Variants in FKBP1B observed in about 807,000 individuals in gnomAD.
FKBP1B encodes the protein FKBP prolyl isomerase 1B.
Under a neutral mutation model 13.5 loss-of-function variants are expected in FKBP1B, and 4 were observed. The observed-to-expected ratio is 0.30, with a 90% CI of 0.15 to 0.68. FKBP1B has a LOEUF of 0.68. Among genes scored for constraint, FKBP1B ranks in the 30% least tolerant of loss-of-function variants. The pLI is 0.76. For synonymous variants in FKBP1B, 54 were observed against 53.6 expected, an observed-to-expected ratio of 1.01 and a Z score of -0.03; for missense variants, 93 against 136.2, an observed-to-expected ratio of 0.68 and a Z score of 1.58.
intron 2 of FKBP1B, among the ~76,000 whole-genome samples, chr2:24,057,391 G>C (rs1213905140): frequency 6.6e-6 from 1 of 151,248 alleles, no homozygotes; most frequent in Non-Finnish European, 1.5e-5. Context: ...TTGTGTGTGT[G>C]TGATGGAGTT....
At chr2:24,036,383 T>C in the FKBP1B span, among the ~76,000 whole-genome samples, 1 of 151,318 alleles carries the variant, frequency 6.6e-6, no homozygotes, top group Non-Finnish European at 1.5e-5. Context: ...GGCATGTGCT[T>C]GTAGTCTCAG....
rs1664012263 is a variant in FKBP1B, at chr2:24,054,149, T to C, written c.85+200T>C. 3.1e-5 allele frequency: 22 copies of C among 713,952 alleles called. No individual in the cohort carries two copies. In the East Asian group the frequency reaches 5.9e-4, roughly 19 times the overall value. 44.2% of individuals were successfully genotyped at this position (713,952 alleles called of 1,614,324 possible). ...AAGGAGGCTTGGAAGGCCAACTCTT[T>C]CCCTCTTCTACCAGCAAGGGCCATC... is the stretch of plus-strand genomic sequence containing the variant. On this transcript the variant is annotated intron_variant, in intron 2 of 3. Transcript: ENST00000380986.
At chr2:24,037,674 T>C in the FKBP1B span, 1 of 1,602,958 alleles carries the variant, frequency 6.2e-7, no homozygotes, top group Non-Finnish European at 8.5e-7. Context: ...AAGGAGAATT[T>C]ACCTGGTAAA....
At chr2:24,034,657 T>C in the FKBP1B span, among the ~76,000 whole-genome samples, 1 of 148,730 alleles carries the variant, frequency 6.7e-6, no homozygotes, top group East Asian at 2.1e-4. Context: ...CACTGCAGCC[T>C]CAACCTCCTC....
At chr2:24,055,927 T>C (rs1030201791) in intron 2 of FKBP1B, among the ~76,000 whole-genome samples, 1 of 152,226 alleles carries the variant, frequency 6.6e-6, no homozygotes, top group African/African-American at 2.4e-5. Flanking sequence ...TCTAGGCAGC[T>C]GTGTAGGAGA....
At chr2:24,053,287 ATTTTT>A (rs34185660) in intron 1 of FKBP1B, among the ~76,000 whole-genome samples, 7 of 110,102 alleles carry the variant, frequency 6.4e-5, no homozygotes, top group Non-Finnish European at 9.0e-5. Flanking sequence ...AATTGAAAAG[ATTTTT>A]TTTTTTTTTT....
At position 24,060,936 on chromosome 2, in the gene FKBP1B, G is replaced by C. The variant is rs780250327; in HGVS notation, c.198+10G>C. On this transcript the variant is annotated intron_variant, in intron 3 of 3. Coordinates refer to ENST00000380986, the MANE Select transcript of FKBP1B (RefSeq NM_004116.5). ...AGAGGGTGCAGCCCAGGTAGGATGAGGATTCGCATTAAAGGGGATCTGGGG... is the reference window on the plus strand; with the variant it reads ...AGAGGGTGCAGCCCAGGTAGGATGACGATTCGCATTAAAGGGGATCTGGGG... 1 of 1,603,430 alleles carries C rather than the reference G, an allele frequency of 6.2e-7. No individual in the cohort carries two copies. The highest frequency in any genetic ancestry group is 1.7e-5 in the Admixed American group (1 of 59,956).
chr2:24,047,703 C>T (rs968218799), upstream of FKBP1B, among the ~76,000 whole-genome samples: 1 of 152,118 alleles, frequency 6.6e-6, no homozygotes, highest in Non-Finnish European at 1.5e-5. Context: ...GTCCAGGAGC[C>T]CTAGGATCAC....
intron 2 of FKBP1B, 22 bp downstream of exon 2, chr2:24,053,971 C>T: frequency 6.2e-7 from 1 of 1,611,962 alleles, no homozygotes; most frequent in Non-Finnish European, 8.5e-7. Flanking sequence ...CCCCTCAGCC[C>T]CCACCCAGTC....
the FKBP1B span, chr2:24,039,377 G>C: frequency 6.2e-7 from 1 of 1,614,234 alleles, no homozygotes; most frequent in Non-Finnish European, 8.5e-7. Context: ...CTGTGAAGCC[G>C]CAAATCAGTT....
chr2:24,046,146 G>A (rs1663620018), upstream of FKBP1B, among the ~76,000 whole-genome samples: 1 of 152,006 alleles, frequency 6.6e-6, no homozygotes, highest in Admixed American at 6.6e-5. Flanking sequence ...GGGGAGGAAC[G>A]TGTGTAGTAT....
the FKBP1B span, chr2:24,039,580 G>C: frequency 4.3e-6 from 6 of 1,398,970 alleles, no homozygotes; most frequent in African/African-American, 1.4e-5. Context: ...AGGACATTTG[G>C]TAAGACAACG....
chr2:24,058,203 GAAA>G (rs201114311), intron 2 of FKBP1B, among the ~76,000 whole-genome samples: 2 of 126,634 alleles, frequency 1.6e-5, no homozygotes, highest in Non-Finnish European at 3.4e-5. Flanking sequence ...TCTGTCTCAG[GAAA>G]AAAAAAAAAA....
the FKBP1B span, chr2:24,038,263 G>T: frequency 2.2e-5 from 36 of 1,614,138 alleles, no homozygotes; most frequent in East Asian, 4.9e-4. Context: ...AAGAAATGTT[G>T]TATCAGTGAG....
the FKBP1B span, among the ~76,000 whole-genome samples, chr2:24,040,803 GGTT>G: frequency 6.6e-6 from 1 of 152,252 alleles, no homozygotes; most frequent in African/African-American, 2.4e-5. Context: ...GATCACCTGA[GGTT>G]GGGAGTTCGA....
the FKBP1B span, among the ~76,000 whole-genome samples, chr2:24,040,743 G>A: frequency 1.3e-5 from 2 of 152,186 alleles, no homozygotes; most frequent in Non-Finnish European, 2.9e-5. Context: ...AGGGCTGGGC[G>A]TGGTGACTCA....
At chr2:24,037,684 A>G in the FKBP1B span, 1 of 1,608,288 alleles carries the variant, frequency 6.2e-7, no homozygotes, top group Admixed American at 1.7e-5. Flanking sequence ...TACCTGGTAA[A>G]TGATGTGAAC....
intron 1 of FKBP1B, among the ~76,000 whole-genome samples, chr2:24,052,697 T>TATTATA (rs1370689255): frequency 2.0e-5 from 3 of 152,218 alleles, no homozygotes; most frequent in Admixed American, 6.5e-5. Context: ...GCGGGTTTGG[T>TATTATA]GGCTCATGCC....
At chr2:24,042,231 A>G in the FKBP1B span, among the ~76,000 whole-genome samples, 3 of 151,738 alleles carry the variant, frequency 2.0e-5, no homozygotes, top group Non-Finnish European at 4.4e-5. Context: ...GAGAAACCCC[A>G]TCTCTACTAA....
Sources: allele counts gnomAD v4.1 joint callset (sites outside exome capture counted in the v4.1 genomes callset), GRCh38; gene constraint gnomAD v4.1.1; transcripts MANE v1.5; gene names NCBI Gene and HGNC (gene_info 2026-07-23, HGNC 2026-07-21).